The following MAP3K7 variants were observed in gnomAD, a reference collection of about 807,000 sequenced individuals.
MAP3K7 encodes mitogen-activated protein kinase kinase kinase 7.
MAP3K7 carries 21 observed loss-of-function variants against 84.8 expected under a neutral mutation model. That is an observed-to-expected ratio of 0.25 (90% CI 0.18 to 0.36). The LOEUF (loss-of-function observed/expected upper bound fraction) is 0.36. Among genes scored for constraint, MAP3K7 ranks in the 10% least tolerant of loss-of-function variants. The pLI is 1.00. For missense variants in MAP3K7, 503 were observed against 747.7 expected, an observed-to-expected ratio of 0.67 and a Z score of 3.82; for synonymous variants, 241 against 247.7, an observed-to-expected ratio of 0.97 and a Z score of 0.25.
chr6:90,529,472 T>C (rs559313824), intron 13 of MAP3K7, among the ~76,000 whole-genome samples: 84 of 152,272 alleles, frequency 5.5e-4, no homozygotes, highest in African/African-American at 1.9e-3. Context: ...AGGTTTCTCA[T>C]TGATGAAGTG....
At chr6:90,561,229 A>T (rs35014369) in intron 4 of MAP3K7, among the ~76,000 whole-genome samples, 1 of 150,716 alleles carries the variant, frequency 6.6e-6, no homozygotes, top group African/African-American at 2.4e-5. Context: ...GAGTTTTCAC[A>T]TTTTTTTTTG....
chr6:90,556,649 T>C (rs574218787), intron 5 of MAP3K7, 25 bp from the exon 6 acceptor site: 76 of 1,568,794 alleles, frequency 4.8e-5, no homozygotes, highest in Non-Finnish European at 6.3e-5. Flanking sequence ...ACAAAAAACA[T>C]CAAAAGTTAC....
chr6:90,564,164 C>T (rs1332814773), intron 3 of MAP3K7, among the ~76,000 whole-genome samples: 2 of 152,142 alleles, frequency 1.3e-5, no homozygotes, highest in Admixed American at 6.5e-5. Flanking sequence ...CATCAACTAA[C>T]AAGCAAAATA....
At chr6:90,566,242 G>C (rs1378592406) in intron 3 of MAP3K7, among the ~76,000 whole-genome samples, 1 of 152,040 alleles carries the variant, frequency 6.6e-6, no homozygotes, top group East Asian at 1.9e-4. Flanking sequence ...AGAAATAAAG[G>C]GTATTCAATT....
chr6:90,517,765 A>G (rs1775014765), intron 16 of MAP3K7, among the ~76,000 whole-genome samples: 1 of 151,700 alleles, frequency 6.6e-6, no homozygotes, highest in African/African-American at 2.4e-5. Flanking sequence ...GCAAATTCAG[A>G]AAAAAACAAC....
At chr6:90,545,847 G>C (rs766379172) in intron 11 of MAP3K7, among the ~76,000 whole-genome samples, 9 of 152,120 alleles carry the variant, frequency 5.9e-5, no homozygotes, top group South Asian at 2.1e-4. Flanking sequence ...ATGTTACTTT[G>C]ACCAATGATG....
intron 14 of MAP3K7, among the ~76,000 whole-genome samples, chr6:90,520,832 T>C (rs955279212): frequency 1.3e-5 from 2 of 152,062 alleles, no homozygotes; most frequent in African/African-American, 4.8e-5. Flanking sequence ...AAACACTGCT[T>C]TCCACAAAAC....
At chr6:90,558,314 T>C (rs903907824) in intron 5 of MAP3K7, among the ~76,000 whole-genome samples, 1 of 151,916 alleles carries the variant, frequency 6.6e-6, no homozygotes. Flanking sequence ...AGAGCGAGAC[T>C]GTGTCTCAAA....
chr6:90,568,673 TG>T (rs1331893059), intron 2 of MAP3K7, 50 bp from the exon 3 acceptor site: 6 of 1,319,886 alleles, frequency 4.5e-6, no homozygotes, highest in Non-Finnish European at 6.4e-6. Flanking sequence ...TTTGAAGTAC[TG>T]ATTTCACAGT....
intron 16 of MAP3K7, 72 bp downstream of exon 16, chr6:90,518,375 C>A: frequency 1.2e-6 from 1 of 802,332 alleles, no homozygotes; most frequent in Non-Finnish European, 2.0e-6. Flanking sequence ...ACTACGTTTT[C>A]ATTGCACCTT....
At chr6:90,529,437 A>G (rs1315200017) in intron 13 of MAP3K7, among the ~76,000 whole-genome samples, 1 of 152,190 alleles carries the variant, frequency 6.6e-6, no homozygotes, top group Non-Finnish European at 1.5e-5. Context: ...GAACCTGTGT[A>G]AGTAACTTAG....
At position 90,569,987 on chromosome 6, in the gene MAP3K7, G is replaced by A. The variant is rs369107553; in HGVS notation, c.232-1364C>T. ...AGCTCTATCTATCTAGAGCCAACAT[G>A]TGTGGATTTTTCGTCCAATAGAATT... On this transcript the variant is annotated intron_variant, in intron 2 of 16. Coordinates refer to ENST00000369329, the MANE Select transcript of MAP3K7 (RefSeq NM_145331.3). 4.6e-5 allele frequency among the ~76,000 whole-genome samples: 7 copies of A among 152,076 alleles called. No homozygotes were observed. The East Asian group carries it at 1.4e-3, about 29-fold the overall frequency.
chr6:90,570,482 C>T (rs976636373), intron 2 of MAP3K7, among the ~76,000 whole-genome samples: 1 of 152,086 alleles, frequency 6.6e-6, no homozygotes, highest in Non-Finnish European at 1.5e-5. Flanking sequence ...TCTTATCATC[C>T]CAGCAGAAGA....
chr6:90,585,663 T>C (rs1184064286), intron 1 of MAP3K7, among the ~76,000 whole-genome samples: 3 of 152,202 alleles, frequency 2.0e-5, no homozygotes, highest in African/African-American at 4.8e-5. Context: ...ACCTGTTAAT[T>C]TGAAAAACGA....
At chr6:90,546,391 T>C (rs1409099235) in intron 11 of MAP3K7, among the ~76,000 whole-genome samples, 2 of 152,084 alleles carry the variant, frequency 1.3e-5, no homozygotes, top group African/African-American at 2.4e-5. Context: ...ACATACATAG[T>C]TAAAAGATGG....
intron 2 of MAP3K7, among the ~76,000 whole-genome samples, chr6:90,570,193 T>A (rs183079040): frequency 1.3e-5 from 2 of 152,204 alleles, no homozygotes; most frequent in East Asian, 3.9e-4. Flanking sequence ...CTCAGAAGGA[T>A]GAAGAGAATG....
intron 1 of MAP3K7, among the ~76,000 whole-genome samples, chr6:90,573,925 C>A (rs1275535907): frequency 6.6e-6 from 1 of 152,234 alleles, no homozygotes; most frequent in Non-Finnish European, 1.5e-5. Flanking sequence ...TGTTCTCCTT[C>A]ACAATTCTCA....
At chr6:90,582,411 A>G (rs779163683) in intron 1 of MAP3K7, among the ~76,000 whole-genome samples, 5 of 152,224 alleles carry the variant, frequency 3.3e-5, no homozygotes, top group Non-Finnish European at 7.3e-5. Flanking sequence ...TGGGGTTACA[A>G]AAGTGAATAA....
At position 90,516,225 on chromosome 6, in the gene MAP3K7, G is replaced by A; in HGVS notation, c.*276C>T. 2.1e-6 allele frequency: 1 copy of A among 477,980 alleles called. No individual in the cohort carries two copies. Among genetic ancestry groups the A allele is most frequent in the Middle Eastern group, 5.7e-4 (1 of 1,756 alleles). The allele number at this position is 477,980 out of a possible 1,614,324, so 29.6% of individuals were successfully genotyped here. On this transcript the variant is annotated 3_prime_UTR_variant, in exon 17 of 17. Transcript: ENST00000369329. ...AGGCTAGCCTTCACACAATGAGCAT[G>A]CATATACAGCCACAGTTCACTGCAT... is the stretch of plus-strand genomic sequence containing the variant.
Sources: allele counts gnomAD v4.1 joint callset (sites outside exome capture counted in the v4.1 genomes callset), GRCh38; gene constraint gnomAD v4.1.1; transcripts MANE v1.5; gene names NCBI Gene and HGNC (gene_info 2026-07-23, HGNC 2026-07-21).